TCF12: variants seen among roughly 807,000 people sequenced by gnomAD.
TCF12 encodes DNA-binding protein HTF4.
TCF12 carries 45 observed loss-of-function variants against 86.0 expected under a neutral mutation model. The ratio of observed to expected loss-of-function variants is 0.52; its 90% CI spans 0.41 to 0.67. The LOEUF (loss-of-function observed/expected upper bound fraction) is 0.67. TCF12 is among the 30% of genes least tolerant of loss of function. The pLI is 0.00. For missense variants in TCF12, 881 were observed against 859.9 expected (o/e 1.02, Z -0.31); for synonymous variants, 330 against 299.6 (o/e 1.10, Z -1.05).
intron 8 of TCF12, among the ~76,000 whole-genome samples, chr15:57,208,174 A>AGGCATC (rs1239889538): frequency 6.6e-6 from 1 of 151,134 alleles, no homozygotes; most frequent in Non-Finnish European, 1.5e-5. Flanking sequence ...CTGGGATTGC[A>AGGCATC]GGCATCTGCC....
rs79986996 is a variant in TCF12, at chr15:57,072,424, T to C, written c.222+8601T>C. On this transcript the variant is annotated intron_variant, in intron 4 of 20. Coordinates refer to ENST00000333725, the MANE Select transcript of TCF12 (RefSeq NM_207037.2). Reference sequence around the variant, plus strand: ...ATCGAGTTGTGTGAATAAAGAAATATAAAATAGCTTTTACTCAGTTGTCCC... The same window carrying C: ...ATCGAGTTGTGTGAATAAAGAAATACAAAATAGCTTTTACTCAGTTGTCCC... Among the ~76,000 whole-genome samples the C allele has an allele frequency of 1.7e-3, 259 of 152,298 alleles. 6 individuals carry two copies. In the East Asian group the frequency reaches 0.042, roughly 25 times the overall value.
chr15:57,048,296 G>A (rs1314446166), intron 3 of TCF12, among the ~76,000 whole-genome samples: 1 of 152,054 alleles, frequency 6.6e-6, no homozygotes, highest in Non-Finnish European at 1.5e-5. Flanking sequence ...GAGTCTCGCT[G>A]TGTCGCCCAG....
rs545074048 is a variant in TCF12, at chr15:56,936,058, G to A, written c.148+14960G>A. Among the ~76,000 whole-genome samples, 5 of 152,192 alleles carry A rather than the reference G, an allele frequency of 3.3e-5. No homozygotes were observed. In the East Asian group the frequency reaches 9.6e-4, roughly 29 times the overall value. On this transcript the variant is annotated intron_variant, in intron 3 of 20. Coordinates refer to ENST00000333725, the MANE Select transcript of TCF12 (RefSeq NM_207037.2). ...GTAGTTCTACTTTTAGTTCTTTAAGGAATCACCACACTGTTTTCTGTAGTG... is the reference window on the plus strand; with the variant it reads ...GTAGTTCTACTTTTAGTTCTTTAAGAAATCACCACACTGTTTTCTGTAGTG...
intron 5 of TCF12, among the ~76,000 whole-genome samples, chr15:57,144,310 T>A (rs1164512777): frequency 6.6e-6 from 1 of 152,228 alleles, no homozygotes; most frequent in African/African-American, 2.4e-5. Context: ...ATTTGTTCAC[T>A]CTTAAAATGA....
chr15:57,098,262 T>C (rs1476194478), intron 5 of TCF12, among the ~76,000 whole-genome samples: 8 of 152,104 alleles, frequency 5.3e-5, no homozygotes, highest in Admixed American at 5.2e-4. Flanking sequence ...TAGCTCACAG[T>C]CCCTTTCCAC....
intron 5 of TCF12, among the ~76,000 whole-genome samples, chr15:57,144,275 C>A (rs1472813203): frequency 6.6e-6 from 1 of 152,124 alleles, no homozygotes; most frequent in African/African-American, 2.4e-5. Flanking sequence ...AGATACGAGG[C>A]ACATTCTAAG....
At position 57,262,193 on chromosome 15, in the gene TCF12, C is replaced by G. The variant is rs2060620912; in HGVS notation, c.1567C>G (p.Gln523Glu). The G allele has an allele frequency of 6.2e-7, 1 of 1,609,018 alleles. No individual in the cohort carries two copies. The highest frequency in any genetic ancestry group is 8.5e-7 in the Non-Finnish European group (1 of 1,176,332). The change falls in exon 17 of 21, where the codon CAA becomes GAA. Residue 523 changes from glutamine (Q) to glutamate (E), a missense_variant. Around this residue, in one of 3 missense-constraint regions of TCF12, gnomAD observed 766 missense variants for 718.9 expected, o/e 1.07. Coordinates refer to ENST00000333725, the MANE Select transcript of TCF12 (RefSeq NM_207037.2). Reference sequence around the variant, plus strand: ...AAGCACAGACCTGAACCATAAAACACAAGAAAATTATAGAGGTAACTATAT... The same window carrying G: ...AAGCACAGACCTGAACCATAAAACAGAAGAAAATTATAGAGGTAACTATAT... The part of the protein sequence containing the change: ...TSSTDLNHKT[Q>E]ENYRGGLQSQ...
intron 3 of TCF12, among the ~76,000 whole-genome samples, chr15:56,991,719 A>AT (rs2063467825): frequency 6.6e-6 from 1 of 152,184 alleles, no homozygotes; most frequent in African/African-American, 2.4e-5. Context: ...TGAGTTACTC[A>AT]TTTTTTGTGT....
chr15:57,258,743 GC>G (rs763438152), intron 16 of TCF12, among the ~76,000 whole-genome samples: 17 of 152,050 alleles, frequency 1.1e-4, no homozygotes, highest in Non-Finnish European at 1.5e-4. Context: ...AAAGTGTAAG[GC>G]TACCCTATAT....
At chr15:56,968,747 A>G (rs973699281) in intron 3 of TCF12, among the ~76,000 whole-genome samples, 1 of 152,240 alleles carries the variant, frequency 6.6e-6, no homozygotes, top group African/African-American at 2.4e-5. Context: ...AGGATGTGCC[A>G]GTGACACAGC....
At chr15:57,171,091 T>C (rs925766113) in intron 6 of TCF12, among the ~76,000 whole-genome samples, 2 of 151,812 alleles carry the variant, frequency 1.3e-5, no homozygotes, top group East Asian at 3.9e-4. Flanking sequence ...GATTACTGTT[T>C]AGCAAACAGT....
At chr15:57,227,099 A>G (rs576288711) in intron 8 of TCF12, among the ~76,000 whole-genome samples, 2 of 152,292 alleles carry the variant, frequency 1.3e-5, no homozygotes, top group Admixed American at 6.5e-5. Flanking sequence ...CTTAAAAAGT[A>G]TCAGCCACCA....
chr15:57,131,775 A>G (rs2052142175), intron 5 of TCF12, among the ~76,000 whole-genome samples: 1 of 152,226 alleles, frequency 6.6e-6, no homozygotes, highest in Non-Finnish European at 1.5e-5. Context: ...TAATCGTTCT[A>G]CAGATTAATA....
intron 3 of TCF12, among the ~76,000 whole-genome samples, chr15:56,999,708 T>A (rs1003127139): frequency 6.6e-6 from 1 of 151,944 alleles, no homozygotes; most frequent in African/African-American, 2.4e-5. Flanking sequence ...ACCCCGTCTT[T>A]ACTAAAAATA....
At chr15:57,137,353 A>G (rs992747596) in intron 5 of TCF12, among the ~76,000 whole-genome samples, 1 of 152,232 alleles carries the variant, frequency 6.6e-6, no homozygotes, top group Non-Finnish European at 1.5e-5. Flanking sequence ...TGTATTTTAA[A>G]TACTGTAATT....
intron 8 of TCF12, chr15:57,219,126 CAGATT>C (rs1377634869): frequency 4.7e-6 from 5 of 1,063,232 alleles, no homozygotes; most frequent in African/African-American, 1.6e-5. Context: ...AAACTAAAAA[CAGATT>C]AGCAGAAAAT....
rs116834739 is a variant in TCF12, at chr15:56,952,103, T to C, written c.148+31005T>C. On this transcript the variant is annotated intron_variant, in intron 3 of 20. Transcript: ENST00000333725. ...AACACCATTTGTTGAATAGATTCCA[T>C]AAATTACTCTTTCTCAAGTGAATTC... Among the ~76,000 whole-genome samples, 1,144 of 152,294 alleles carry C rather than the reference T, an allele frequency of 7.5e-3. 14 individuals carry two copies. The highest frequency in any genetic ancestry group is 0.026 in the African/African-American group (1,093 of 41,548).
intron 5 of TCF12, among the ~76,000 whole-genome samples, chr15:57,149,184 G>C (rs577881159): frequency 6.6e-6 from 1 of 152,158 alleles, no homozygotes; most frequent in African/African-American, 2.4e-5. Flanking sequence ...CTAAGAAGCA[G>C]TAAAATTTAA....
intron 3 of TCF12, among the ~76,000 whole-genome samples, chr15:57,061,571 G>T (rs1246149045): frequency 6.6e-6 from 1 of 152,144 alleles, no homozygotes; most frequent in African/African-American, 2.4e-5. Flanking sequence ...CCACTGTACT[G>T]CAGCCTGGAT....
Sources: allele counts gnomAD v4.1 joint callset (sites outside exome capture counted in the v4.1 genomes callset), GRCh38; gene constraint gnomAD v4.1.1; regional missense constraint gnomAD v4.1.1; transcripts MANE v1.5; gene names NCBI Gene and HGNC (gene_info 2026-07-23, HGNC 2026-07-21).